RCAN2: variants seen among roughly 807,000 people sequenced by gnomAD.
RCAN2 encodes calcipressin-2.
A neutral mutation model predicts 23.6 loss-of-function variants in RCAN2; 9 were observed. The ratio of observed to expected loss-of-function variants is 0.38; its 90% CI spans 0.23 to 0.67. RCAN2 has a LOEUF of 0.67. Ranked by LOEUF, RCAN2 falls within the 30% of genes least tolerant of loss-of-function variation. The pLI is 0.51. For missense variants in RCAN2, 273 were observed against 302.3 expected (o/e 0.90, Z 0.72); for synonymous variants, 109 against 115.7 (o/e 0.94, Z 0.37).
Position 46,487,475 on chromosome 6 carries a change from C to G in RCAN2, c.-3+3698G>C, listed in dbSNP as rs530049371. Among the ~76,000 whole-genome samples the G allele has an allele frequency of 1.0e-3, 159 of 152,282 alleles. 1 individual carries two copies. The highest frequency in any genetic ancestry group is 3.7e-3 in the African/African-American group (154 of 41,550). On this transcript the variant is annotated intron_variant, in intron 1 of 4. Transcript: ENST00000371374. ...TTTCCCTTTCTACATGTCGTTTACC[C>G]TGGCGGCAAAGGGTGGGACCTCCAT... is the stretch of plus-strand genomic sequence containing the variant.
Position 46,248,779 on chromosome 6 carries a change from T to G in RCAN2, c.343A>C (p.Ile115Leu). The G allele has an allele frequency of 1.9e-6, 3 of 1,613,520 alleles. No homozygotes were observed. The highest frequency in any genetic ancestry group is 1.7e-6 in the Non-Finnish European group (2 of 1,179,828). The change falls in exon 3 of 5, where the codon ATA becomes CTA. Residue 115 changes from isoleucine (I) to leucine (L), a missense_variant. Physicochemically the swap from Ile to Leu is conservative, Grantham distance 5. Coordinates refer to ENST00000371374, the MANE Select transcript of RCAN2 (RefSeq NM_001251974.2). ...SNPKSAARAR[I>L]ELHETQFRGK... ...CTGAATTGGGTTTCATGAAGCTCTA[T>G]CCTAGCTCGGGCTGCAGATTTAGGA...
chr6:46,480,782 C>T (rs1255673821), intron 1 of RCAN2, among the ~76,000 whole-genome samples: 3 of 152,264 alleles, frequency 2.0e-5, no homozygotes, highest in Admixed American at 1.3e-4. Context: ...CCCATCACCA[C>T]ACCCGGCTAA....
chr6:46,241,532 T>C (rs904632269), intron 4 of RCAN2, among the ~76,000 whole-genome samples: 1 of 152,200 alleles, frequency 6.6e-6, no homozygotes, highest in Non-Finnish European at 1.5e-5. Flanking sequence ...CAGTAGTGTG[T>C]TTTAGTGGGT....
intron 2 of RCAN2, among the ~76,000 whole-genome samples, chr6:46,306,230 T>G (rs1213617948): frequency 6.6e-6 from 1 of 152,050 alleles, no homozygotes; most frequent in Non-Finnish European, 1.5e-5. Flanking sequence ...ATGAGAGTTG[T>G]CAACAGACGG....
intron 4 of RCAN2, among the ~76,000 whole-genome samples, chr6:46,239,556 G>A (rs753920835): frequency 6.3e-4 from 96 of 152,264 alleles, no homozygotes; most frequent in Non-Finnish European, 7.6e-4. Context: ...AGTAGGCCTT[G>A]TATGTGTGCA....
intron 2 of RCAN2, among the ~76,000 whole-genome samples, chr6:46,373,260 G>C (rs576817619): frequency 3.9e-5 from 6 of 152,040 alleles, no homozygotes; most frequent in African/African-American, 1.4e-4. Flanking sequence ...TTAGTATTTT[G>C]GTTTTATTTA....
At chr6:46,303,947 A>G (rs1181163557) in intron 2 of RCAN2, among the ~76,000 whole-genome samples, 1 of 152,000 alleles carries the variant, frequency 6.6e-6, no homozygotes, top group Admixed American at 6.6e-5. Flanking sequence ...GGAAATATGT[A>G]CTCATTTATC....
intron 2 of RCAN2, among the ~76,000 whole-genome samples, chr6:46,283,293 A>G (rs1762264228): frequency 6.6e-6 from 1 of 152,138 alleles, no homozygotes; most frequent in African/African-American, 2.4e-5. Flanking sequence ...TTAAAACAAC[A>G]TTAGTTGGGC....
At position 46,429,831 on chromosome 6, in the gene RCAN2, C is replaced by T. The variant is rs1462343962; in HGVS notation, c.225+26921G>A. On this transcript the variant is annotated intron_variant, in intron 2 of 4. Transcript: ENST00000371374. ...TAAAAGTGTATCCCAGAGGAACTAA[C>T]GAGGTCTTGCACTGGCACAGGAGGG... Among the ~76,000 whole-genome samples, 4 of 152,262 alleles carry T rather than the reference C, an allele frequency of 2.6e-5. 1 individual carries two copies. In the East Asian group the frequency reaches 7.7e-4, roughly 29 times the overall value.
intron 2 of RCAN2, among the ~76,000 whole-genome samples, chr6:46,362,446 C>T (rs1179769755): frequency 2.6e-5 from 4 of 152,126 alleles, no homozygotes; most frequent in Admixed American, 2.0e-4. Flanking sequence ...AGGTAATCTA[C>T]ACATTCCCTA....
chr6:46,332,368 T>A (rs1764001646), intron 2 of RCAN2, among the ~76,000 whole-genome samples: 1 of 152,134 alleles, frequency 6.6e-6, no homozygotes, highest in Non-Finnish European at 1.5e-5. Flanking sequence ...TGCAGGTTAG[T>A]TACATATATA....
Position 46,349,393 on chromosome 6 carries a change from C to G in RCAN2, c.226-100497G>C, listed in dbSNP as rs138899625. Among the ~76,000 whole-genome samples the G allele has an allele frequency of 3.9e-5, 6 of 152,146 alleles. No homozygotes were observed. The East Asian group carries it at 1.2e-3, about 29-fold the overall frequency. ...GACACAGAGAGGGGAACAACACACACAATGGCCTGTTGCAGGAGTTGGGAG... is the reference window on the plus strand; with the variant it reads ...GACACAGAGAGGGGAACAACACACAGAATGGCCTGTTGCAGGAGTTGGGAG... On this transcript the variant is annotated intron_variant, in intron 2 of 4. Coordinates refer to ENST00000371374, the MANE Select transcript of RCAN2 (RefSeq NM_001251974.2).
At chr6:46,287,677 C>T (rs1334843502) in intron 2 of RCAN2, among the ~76,000 whole-genome samples, 1 of 152,228 alleles carries the variant, frequency 6.6e-6, no homozygotes, top group Non-Finnish European at 1.5e-5. Context: ...ATTTAATAGG[C>T]TTTCATTGTC....
At chr6:46,230,560 A>G (rs1018506214) in intron 4 of RCAN2, among the ~76,000 whole-genome samples, 1 of 152,156 alleles carries the variant, frequency 6.6e-6, no homozygotes, top group African/African-American at 2.4e-5. Flanking sequence ...CTCCATGGGC[A>G]TGGCACCCTC....
intron 2 of RCAN2, among the ~76,000 whole-genome samples, chr6:46,397,265 G>A (rs1022364849): frequency 6.6e-6 from 1 of 152,138 alleles, no homozygotes; most frequent in Middle Eastern, 3.4e-3. Flanking sequence ...TAACTACAAA[G>A]GGGGGTACCA....
rs1324448709 is a variant in RCAN2 at position 46,354,895 on chromosome 6, ATATGTG to A, written c.225+101851_225+101856del. On this transcript the variant is annotated intron_variant, in intron 2 of 4. Coordinates refer to ENST00000371374, the MANE Select transcript of RCAN2 (RefSeq NM_001251974.2). ...AGAGACTTCTCAGGAAAAAGATTAT[ATATGTG>A]TGTGTGTGTGTGTGTGTGTGTGTGT... Among the ~76,000 whole-genome samples the A allele has an allele frequency of 2.2e-3, 296 of 136,302 alleles. 3 individuals carry two copies. The highest frequency in any genetic ancestry group is 0.012 in the South Asian group (48 of 3,966). The allele number at this position is 136,302 out of a possible 152,430, so 89.4% of individuals were successfully genotyped here.
At chr6:46,339,531 A>G (rs910769215) in intron 2 of RCAN2, among the ~76,000 whole-genome samples, 1 of 152,028 alleles carries the variant, frequency 6.6e-6, no homozygotes, top group Non-Finnish European at 1.5e-5. Context: ...GGAGTTAGGG[A>G]TCAGGGGTGG....
intron 2 of RCAN2, among the ~76,000 whole-genome samples, chr6:46,291,105 G>A (rs1762544781): frequency 6.6e-6 from 1 of 152,096 alleles, no homozygotes; most frequent in Non-Finnish European, 1.5e-5. Flanking sequence ...ACTTTGCCAA[G>A]GTCTAGGAAA....
At chr6:46,488,568 T>C (rs538128175) in intron 1 of RCAN2, among the ~76,000 whole-genome samples, 1 of 152,134 alleles carries the variant, frequency 6.6e-6, no homozygotes, top group Admixed American at 6.5e-5. Context: ...GTCTCAGAAA[T>C]GAAGAGAAGT....
Sources: allele counts gnomAD v4.1 joint callset (sites outside exome capture counted in the v4.1 genomes callset), GRCh38; gene constraint gnomAD v4.1.1; transcripts MANE v1.5; gene names NCBI Gene and HGNC (gene_info 2026-07-23, HGNC 2026-07-21).